Variants in CDH4 observed in about 807,000 individuals in gnomAD.
The protein encoded by CDH4 is cadherin-4.
In CDH4, 33 loss-of-function variants were observed where a neutral mutation model predicts 86.0. The observed-to-expected ratio is 0.38, with a 90% CI of 0.29 to 0.51. The LOEUF is 0.51. CDH4 is among the 20% of genes least tolerant of loss of function. The pLI is 0.86. For synonymous variants in CDH4, 555 were observed against 549.4 expected, an observed-to-expected ratio of 1.01 and a Z score of -0.14; for missense variants, 1,114 against 1,307.4, an observed-to-expected ratio of 0.85 and a Z score of 2.28.
At chr20:61,674,489 G>T (rs2087613675) in intron 2 of CDH4, among the ~76,000 whole-genome samples, 4 of 152,184 alleles carry the variant, frequency 2.6e-5, no homozygotes, top group Admixed American at 1.3e-4. Flanking sequence ...GAAGCCGGCT[G>T]CTCAAGAGAC....
intron 2 of CDH4, among the ~76,000 whole-genome samples, chr20:61,519,872 G>C (rs1374544272): frequency 6.6e-5 from 10 of 152,134 alleles, no homozygotes. Context: ...TGTCTAGAAG[G>C]GCCTCGTCAT....
chr20:61,892,204 G>A (rs778534093), intron 7 of CDH4, among the ~76,000 whole-genome samples: 16 of 152,216 alleles, frequency 1.1e-4, no homozygotes, highest in African/African-American at 3.4e-4. Context: ...CTTAAAGCCC[G>A]TTGGTGACTC....
At chr20:61,481,032 G>A (rs887423545) in intron 2 of CDH4, among the ~76,000 whole-genome samples, 3 of 152,182 alleles carry the variant, frequency 2.0e-5, no homozygotes, top group Admixed American at 2.0e-4. Flanking sequence ...TCTATGGACT[G>A]AAGTGTACCC....
chr20:61,340,361 G>A (rs992794340), intron 2 of CDH4, among the ~76,000 whole-genome samples: 7 of 152,158 alleles, frequency 4.6e-5, no homozygotes, highest in African/African-American at 1.2e-4. Context: ...CCAGCCTGCC[G>A]CTGTCCAGCA....
At chr20:61,386,918 C>G (rs946661051) in intron 2 of CDH4, among the ~76,000 whole-genome samples, 6 of 152,232 alleles carry the variant, frequency 3.9e-5, no homozygotes, top group Non-Finnish European at 1.5e-5. Context: ...GGACCGGCCC[C>G]AAGACCACAC....
chr20:61,859,026 C>T (rs1279107319), intron 6 of CDH4, among the ~76,000 whole-genome samples: 3 of 152,192 alleles, frequency 2.0e-5, no homozygotes, highest in African/African-American at 7.2e-5. Context: ...ACACTCATCC[C>T]GCCCTCCTGA....
intron 2 of CDH4, among the ~76,000 whole-genome samples, chr20:61,733,512 G>A (rs2088221488): frequency 6.6e-6 from 1 of 152,116 alleles, no homozygotes; most frequent in African/African-American, 2.4e-5. Context: ...CTCCCCTGCT[G>A]TCCCTGTCAC....
rs573450652 is a variant in CDH4 at position 61,738,793 on chromosome 20, G to A, written c.170-4770G>A. Reference sequence around the variant, plus strand: ...TCCCTGAAGTCGGGCAGCAAACCCCGCTCCTCCTCTCACCACCTTCACGGC... The same window carrying A: ...TCCCTGAAGTCGGGCAGCAAACCCCACTCCTCCTCTCACCACCTTCACGGC... On this transcript the variant is annotated intron_variant, in intron 2 of 15. Transcript: ENST00000614565. 381 of 152,384 alleles carry A rather than the reference G, an allele frequency of 2.5e-3. 1 individual carries two copies. Among genetic ancestry groups the A allele is most frequent in the Non-Finnish European group, 3.9e-3 (263 of 68,112 alleles). The allele number at this position is 152,384 out of a possible 1,614,324, so 9.4% of individuals were successfully genotyped here. A position where few individuals can be genotyped will look rare whatever the true frequency, so the allele number is the denominator to read the frequency against.
intron 2 of CDH4, among the ~76,000 whole-genome samples, chr20:61,519,707 T>A (rs2085854129): frequency 6.6e-6 from 1 of 152,228 alleles, no homozygotes; most frequent in African/African-American, 2.4e-5. Context: ...TCTTTCGTTG[T>A]TCCTTAATCG....
chr20:61,843,815 T>C (rs547404694), intron 4 of CDH4, among the ~76,000 whole-genome samples: 2 of 152,172 alleles, frequency 1.3e-5, no homozygotes, highest in Non-Finnish European at 2.9e-5. Context: ...AAGTAGTATA[T>C]GCTAAAGACA....
intron 9 of CDH4, among the ~76,000 whole-genome samples, chr20:61,920,109 G>GT (rs1184727192): frequency 7.9e-6 from 1 of 127,270 alleles, no homozygotes; most frequent in Non-Finnish European, 1.7e-5. Flanking sequence ...TGTTGTGATT[G>GT]GAAGCGTGTC....
chr20:61,344,939 G>A (rs1021601835), intron 2 of CDH4, among the ~76,000 whole-genome samples: 6 of 152,196 alleles, frequency 3.9e-5, no homozygotes, highest in Admixed American at 1.3e-4. Context: ...CTATTGACCC[G>A]CAGACTCGAG....
intron 2 of CDH4, among the ~76,000 whole-genome samples, chr20:61,601,774 G>T (rs2086602857): frequency 6.6e-6 from 1 of 152,236 alleles, no homozygotes; most frequent in African/African-American, 2.4e-5. Flanking sequence ...CCCTTCTATG[G>T]GCGTTTGTTT....
At chr20:61,373,885 A>G (rs1157636724) in intron 2 of CDH4, among the ~76,000 whole-genome samples, 1 of 152,190 alleles carries the variant, frequency 6.6e-6, no homozygotes, top group Non-Finnish European at 1.5e-5. Flanking sequence ...ATAAACTCTG[A>G]GGACTCAGTC....
At chr20:61,907,193 C>T (rs1048207417) in intron 8 of CDH4, among the ~76,000 whole-genome samples, 61 of 152,158 alleles carry the variant, frequency 4.0e-4, no homozygotes, top group African/African-American at 1.4e-3. Context: ...CCCCAGGCCC[C>T]CCCGGGCACC....
At chr20:61,351,555 TAC>T (rs964846267) in intron 2 of CDH4, among the ~76,000 whole-genome samples, 4 of 152,278 alleles carry the variant, frequency 2.6e-5, no homozygotes, top group East Asian at 1.9e-4. Context: ...TTTTTGAGGC[TAC>T]ACAGCAGGTA....
In CDH4 at chr20:61,809,535, C is replaced by T. The variant is rs74797020; in HGVS notation, c.577-35133C>T. ...AAGTGTAATTATAGCCATACATACT[C>T]GACACGGGACTAATGAGTGTTCATG... On this transcript the variant is annotated intron_variant, in intron 4 of 15. Transcript: ENST00000614565. Among the ~76,000 whole-genome samples the T allele has an allele frequency of 2.8e-3, 423 of 152,294 alleles. 1 individual carries two copies. The highest frequency in any genetic ancestry group is 9.6e-3 in the African/African-American group (398 of 41,546).
intron 2 of CDH4, among the ~76,000 whole-genome samples, chr20:61,614,006 G>A (rs1239717473): frequency 6.6e-6 from 1 of 152,140 alleles, no homozygotes; most frequent in Non-Finnish European, 1.5e-5. Context: ...GTCCTGCAGA[G>A]GCAGGTGGGT....
At chr20:61,785,585 G>C (rs995867538) in intron 4 of CDH4, among the ~76,000 whole-genome samples, 1 of 152,094 alleles carries the variant, frequency 6.6e-6, no homozygotes, top group Non-Finnish European at 1.5e-5. Context: ...CCTCACCCAG[G>C]TGCGCAGAGC....
Sources: allele counts gnomAD v4.1 joint callset (sites outside exome capture counted in the v4.1 genomes callset), GRCh38; gene constraint gnomAD v4.1.1; transcripts MANE v1.5; gene names NCBI Gene and HGNC (gene_info 2026-07-23, HGNC 2026-07-21).